FAT3: variants seen among roughly 807,000 people sequenced by gnomAD.
FAT3 encodes protocadherin Fat 3.
Under a neutral mutation model 310.2 loss-of-function variants are expected in FAT3, and 95 were observed. The ratio of observed to expected loss-of-function variants is 0.31; its 90% confidence interval spans 0.26 to 0.36. The LOEUF is 0.36. Among genes scored for constraint, FAT3 ranks in the 10% least tolerant of loss-of-function variants. The pLI is 1.00. For missense variants in FAT3, 5,408 were observed against 5,715.6 expected (o/e 0.95, Z 1.74); for synonymous variants, 2,314 against 2,192.9 (o/e 1.06, Z -1.54).
At chr11:92,569,042 G>T (rs1955576729) in intron 3 of FAT3, among the ~76,000 whole-genome samples, 1 of 152,126 alleles carries the variant, frequency 6.6e-6, no homozygotes, top group Admixed American at 6.6e-5. Context: ...GGGTTGAAAG[G>T]TCTCTCCCAG....
At chr11:92,383,848 TGAGA>T (rs1430930052) in intron 2 of FAT3, among the ~76,000 whole-genome samples, 14 of 150,714 alleles carry the variant, frequency 9.3e-5, no homozygotes, top group African/African-American at 2.7e-4. Flanking sequence ...TTAAAAAGAG[TGAGA>T]GAGAGAGAAA....
chr11:92,325,784 A>C (rs138662357), intron 1 of FAT3, among the ~76,000 whole-genome samples: 3,625 of 152,182 alleles, frequency 0.024, 66 homozygotes, highest in Non-Finnish European at 0.038. Flanking sequence ...GGCATGCATC[A>C]CCACGCCCAG....
intron 2 of FAT3, among the ~76,000 whole-genome samples, chr11:92,479,470 G>A (rs1952156938): frequency 6.6e-6 from 1 of 152,154 alleles, no homozygotes; most frequent in South Asian, 2.1e-4. Context: ...TTTACTATGT[G>A]CCTAGGGTGT....
chr11:92,546,942 A>G lies in FAT3; in HGVS notation c.3607+21994A>G, dbSNP rs536698136. Among the ~76,000 whole-genome samples the G allele has an allele frequency of 7.2e-5, 11 of 152,302 alleles. No homozygotes were observed. The South Asian group carries it at 2.3e-3, about 32-fold the overall frequency. The stretch of plus-strand genomic sequence containing the variant: ...CCAAATGACACCTCCTTGTTCACAA[A>G]ACGAATTCAATTAGATTAATTTCCC... On this transcript the variant is annotated intron_variant, in intron 3 of 27. Coordinates refer to ENST00000525166, the MANE Select transcript of FAT3 (RefSeq NM_001367949.2).
intron 2 of FAT3, among the ~76,000 whole-genome samples, chr11:92,466,668 G>C (rs1422912079): frequency 1.3e-5 from 2 of 150,126 alleles, no homozygotes; most frequent in African/African-American, 4.9e-5. Context: ...TGCCATGCTG[G>C]TGTGCTGCAC....
chr11:92,773,001 C>A (rs756611444), intron 6 of FAT3, among the ~76,000 whole-genome samples: 5 of 151,962 alleles, frequency 3.3e-5, no homozygotes, highest in Non-Finnish European at 7.4e-5. Flanking sequence ...AATACATTGC[C>A]CTATATGCTG....
chr11:92,333,857 C>T (rs1410730937), intron 1 of FAT3, among the ~76,000 whole-genome samples: 2 of 151,978 alleles, frequency 1.3e-5, no homozygotes, highest in Admixed American at 6.6e-5. Flanking sequence ...CTTCCTAAAA[C>T]ATCTCTTTAA....
chr11:92,547,582 C>T (rs939970663), intron 3 of FAT3, among the ~76,000 whole-genome samples: 4 of 152,168 alleles, frequency 2.6e-5, no homozygotes, highest in South Asian at 4.2e-4. Context: ...AGTACCAGCA[C>T]GAGGTAGAGG....
intron 4 of FAT3, among the ~76,000 whole-genome samples, chr11:92,729,985 T>G (rs1945130277): frequency 6.6e-6 from 1 of 152,122 alleles, no homozygotes; most frequent in Admixed American, 6.5e-5. Flanking sequence ...TTTAAAAATA[T>G]TTTACTTTCC....
chr11:92,276,435 G>C (rs1946273978), intron 1 of FAT3, among the ~76,000 whole-genome samples: 1 of 152,106 alleles, frequency 6.6e-6, no homozygotes. Context: ...CCAGGATCTT[G>C]ACCTTGGCCT....
intron 4 of FAT3, among the ~76,000 whole-genome samples, chr11:92,713,511 T>C (rs1489445546): frequency 6.6e-6 from 1 of 152,200 alleles, no homozygotes; most frequent in Non-Finnish European, 1.5e-5. Context: ...TTTCTGGATA[T>C]GCAAAGTTAT....
intron 1 of FAT3, among the ~76,000 whole-genome samples, chr11:92,265,028 G>A (rs1432139950): frequency 6.6e-6 from 1 of 151,732 alleles, no homozygotes; most frequent in African/African-American, 2.4e-5. Context: ...GGAAAAAAAA[G>A]GTTGAAAAAA....
chr11:92,651,842 C>G (rs1242837712), intron 3 of FAT3, among the ~76,000 whole-genome samples: 2 of 152,196 alleles, frequency 1.3e-5, no homozygotes, highest in Non-Finnish European at 2.9e-5. Flanking sequence ...TTCCCCAGCT[C>G]TTGAACTTCT....
intron 3 of FAT3, among the ~76,000 whole-genome samples, chr11:92,676,048 C>CATAGAGA (rs1387547518): frequency 6.6e-6 from 1 of 152,106 alleles, no homozygotes; most frequent in African/African-American, 2.4e-5. Flanking sequence ...TGGCAATGAG[C>CATAGAGA]ATAGAGATGG....
chr11:92,689,748 A>C (rs1286184411), intron 3 of FAT3, among the ~76,000 whole-genome samples: 1 of 152,174 alleles, frequency 6.6e-6, no homozygotes, highest in East Asian at 1.9e-4. Flanking sequence ...GTGCACATGC[A>C]TGCATGCATG....
In FAT3 at chr11:92,458,342, AC is replaced by A. The variant is rs138105967; in HGVS notation, c.3293-66291del. Among the ~76,000 whole-genome samples, 1,279 of 152,284 alleles carry A rather than the reference AC, an allele frequency of 8.4e-3. 10 individuals carry two copies. The highest frequency in any genetic ancestry group is 0.037 in the Middle Eastern group (11 of 294). On this transcript the variant is annotated intron_variant, in intron 2 of 27. Transcript: ENST00000525166. Reference sequence around the variant, plus strand: ...TTTCCTCTGCTCTTTTCAGGTTTTGACATTTACTTGTACTGTTTGCCCTGTA... The same window carrying A: ...TTTCCTCTGCTCTTTTCAGGTTTTGAATTTACTTGTACTGTTTGCCCTGTA...
intron 4 of FAT3, among the ~76,000 whole-genome samples, chr11:92,727,180 TA>T (rs1434481274): frequency 6.6e-6 from 1 of 152,228 alleles, no homozygotes; most frequent in Admixed American, 6.5e-5. Flanking sequence ...CTGGTCGTTT[TA>T]TATATTGTTT....
At chr11:92,666,350 A>AG (rs1448580740) in intron 3 of FAT3, among the ~76,000 whole-genome samples, 3 of 140,848 alleles carry the variant, frequency 2.1e-5, no homozygotes, top group Admixed American at 7.2e-5. Flanking sequence ...ATCAATTTGA[A>AG]GGATTTTTTT....
At chr11:92,738,549 C>A (rs1223613836) in intron 4 of FAT3, among the ~76,000 whole-genome samples, 3 of 152,210 alleles carry the variant, frequency 2.0e-5, no homozygotes, top group Non-Finnish European at 4.4e-5. Context: ...TTTTACATTG[C>A]AGGTCCTCAA....
Sources: gnomAD v4.1 joint callset for allele counts (sites outside exome capture counted in the v4.1 genomes callset) on GRCh38, gnomAD v4.1.1 for gene constraint, MANE v1.5 for transcripts, NCBI Gene and HGNC (gene_info 2026-07-23, HGNC 2026-07-21) for gene names.